SAMHD1: variants seen among roughly 807,000 people sequenced by gnomAD.
The protein encoded by SAMHD1 is SAM and HD domain containing deoxynucleoside triphosphate triphosphohydrolase 1.
SAMHD1 carries 54 observed loss-of-function variants against 79.6 expected under a neutral mutation model. The ratio of observed to expected loss-of-function variants is 0.68; its 90% CI spans 0.55 to 0.85. SAMHD1 has a LOEUF of 0.85. Among genes scored for constraint, SAMHD1 ranks in the 40% least tolerant of loss-of-function variants. SAMHD1 has a pLI of 0.00. For synonymous variants in SAMHD1, 260 were observed against 264.1 expected, an observed-to-expected ratio of 0.98 and a Z score of 0.15; for missense variants, 663 against 782.7, an observed-to-expected ratio of 0.85 and a Z score of 1.82.
At chr20:36,948,140 T>C (rs2063707033) in intron 1 of SAMHD1, among the ~76,000 whole-genome samples, 1 of 152,254 alleles carries the variant, frequency 6.6e-6, no homozygotes, top group South Asian at 2.1e-4. Context: ...GTGTTGAGTG[T>C]AGTAACTTAT....
chr20:36,919,331 A>G (rs746407028), intron 7 of SAMHD1, 33 bp downstream of exon 7: 1 of 1,605,288 alleles, frequency 6.2e-7, no homozygotes, highest in Non-Finnish European at 8.5e-7. Flanking sequence ...GAAAAGCACC[A>G]GTCAGTTAAA....
intron 9 of SAMHD1, 103 bp downstream of exon 9, chr20:36,916,619 A>G: frequency 9.5e-6 from 8 of 838,590 alleles, no homozygotes; most frequent in South Asian, 9.4e-5. Flanking sequence ...AATTAAGTAA[A>G]GAGACTGACG....
chr20:36,904,967 C>T (rs968746325), intron 12 of SAMHD1: 1 of 238,658 alleles, frequency 4.2e-6, no homozygotes, highest in African/African-American at 2.3e-5. Context: ...GTGAAGGAAC[C>T]AAGTCATTAC....
chr20:36,919,474 T>C lies in SAMHD1; in HGVS notation c.742A>G (p.Asn248Asp), dbSNP rs2063493404. The C allele has an allele frequency of 6.2e-7, 1 of 1,613,512 alleles. No individual in the cohort carries two copies. The highest frequency in any genetic ancestry group is 8.5e-7 in the Non-Finnish European group (1 of 1,179,756). The change falls in exon 7 of 16, where the codon AAT becomes GAT. Residue 248 changes from asparagine (N) to aspartate (D), a missense_variant. Asn to Asp is a conservative substitution (Grantham distance 23). Transcript: ENST00000646673. ...VMMFEHLINS[N>D]GIKPVMEQYG... is the part of the protein sequence containing the mutation. ...TGTTCCATGACAGGCTTAATTCCATTAGAATTAATAAGGTGCTCAAACATC... is the reference window on the plus strand; with the variant it reads ...TGTTCCATGACAGGCTTAATTCCATCAGAATTAATAAGGTGCTCAAACATC...
intron 11 of SAMHD1, among the ~76,000 whole-genome samples, chr20:36,908,400 G>C (rs760456732): frequency 1.3e-5 from 2 of 151,626 alleles, no homozygotes; most frequent in Non-Finnish European, 2.9e-5. Context: ...CGCACCACCA[G>C]GGCTAATTTT....
intron 13 of SAMHD1, among the ~76,000 whole-genome samples, chr20:36,899,400 C>G (rs1990260309): frequency 6.6e-6 from 1 of 152,028 alleles, no homozygotes; most frequent in East Asian, 1.9e-4. Flanking sequence ...TGCACTCCAG[C>G]CTAGGCAACA....
chr20:36,936,647 CTG>C (rs1459725370), intron 3 of SAMHD1, among the ~76,000 whole-genome samples: 1 of 152,002 alleles, frequency 6.6e-6, no homozygotes, highest in Non-Finnish European at 1.5e-5. Context: ...AAAGCCTTCA[CTG>C]TAAATTTTTC....
chr20:36,890,211 A>G (rs2148349823), downstream of SAMHD1: 1 of 152,292 alleles, frequency 6.6e-6, no homozygotes, highest in African/African-American at 2.4e-5. Flanking sequence ...GTGGAACACA[A>G]CTTTCAAGAT....
intron 6 of SAMHD1, among the ~76,000 whole-genome samples, chr20:36,922,212 A>G (rs972074277): frequency 2.0e-5 from 3 of 152,180 alleles, no homozygotes; most frequent in African/African-American, 7.2e-5. Flanking sequence ...CCAGGGAAAA[A>G]AAGTTTTTTT....
chr20:36,924,890 G>A (rs777789425), intron 6 of SAMHD1, among the ~76,000 whole-genome samples: 3 of 152,184 alleles, frequency 2.0e-5, no homozygotes, highest in Admixed American at 6.5e-5. Flanking sequence ...CGGGCACGGT[G>A]GCTCACGTCT....
intron 4 of SAMHD1, among the ~76,000 whole-genome samples, chr20:36,932,405 G>T (rs1328461818): frequency 6.7e-6 from 1 of 149,886 alleles, no homozygotes; most frequent in African/African-American, 2.4e-5. Context: ...GGTTGCGGGG[G>T]GTTGCGGGGG....
intron 6 of SAMHD1, among the ~76,000 whole-genome samples, chr20:36,924,120 T>G (rs934310754): frequency 4.6e-5 from 7 of 151,910 alleles, no homozygotes; most frequent in African/African-American, 1.5e-4. Flanking sequence ...GGCATGGTAG[T>G]GTGTGCCTGT....
At chr20:36,933,413 C>T (rs1194910311) in intron 4 of SAMHD1, among the ~76,000 whole-genome samples, 1 of 152,068 alleles carries the variant, frequency 6.6e-6, no homozygotes, top group Non-Finnish European at 1.5e-5. Flanking sequence ...CAACTCTGTA[C>T]CAGAGTAAAT....
At chr20:36,940,880 T>C (rs77181487) in intron 3 of SAMHD1, 159 bp downstream of exon 3, 2 of 653,094 alleles carry the variant, frequency 3.1e-6, no homozygotes. Flanking sequence ...AAATACTCTG[T>C]GCTCATTTTA....
intron 13 of SAMHD1, 106 bp from the exon 14 acceptor site, chr20:36,898,650 A>G: frequency 2.4e-6 from 2 of 844,238 alleles, no homozygotes; most frequent in South Asian, 2.8e-5. Context: ...GCAGTAGCTC[A>G]TGCCTATAAT....
Position 36,939,190 on chromosome 20 carries a change from G to A in SAMHD1, c.348+1849C>T, listed in dbSNP as rs1600387968. 5.7e-5 allele frequency among the ~76,000 whole-genome samples: 8 copies of A among 141,164 alleles called. No individual in the cohort carries two copies. In the South Asian group the frequency reaches 1.8e-3, roughly 32 times the overall value. The allele number at this position is 141,164 out of a possible 152,430, so 92.6% of individuals were successfully genotyped here. On this transcript the variant is annotated intron_variant, in intron 3 of 15. Coordinates refer to ENST00000646673, the MANE Select transcript of SAMHD1 (RefSeq NM_015474.4). The stretch of plus-strand genomic sequence containing the variant: ...AACTGCTTGAATCTGGGAGGCAGAG[G>A]TTGCAGTGAGCTGATACCATGCCAC...
intron 13 of SAMHD1, among the ~76,000 whole-genome samples, chr20:36,901,487 G>A (rs1358536390): frequency 1.3e-5 from 2 of 152,140 alleles, no homozygotes; most frequent in African/African-American, 4.8e-5. Context: ...TATAATCCCA[G>A]CACTTCAGGA....
rs771698070 is a variant in SAMHD1 at position 36,947,405 on chromosome 20, G to GGTGTGTGTGT, written c.209-611_209-602dup. Among the ~76,000 whole-genome samples the GGTGTGTGTGT allele has an allele frequency of 2.7e-4, 8 of 29,122 alleles. 2 individuals are homozygous for GGTGTGTGTGT. Among genetic ancestry groups the GGTGTGTGTGT allele is most frequent in the African/African-American group, 1.9e-3 (8 of 4,150 alleles). 19.1% of individuals were successfully genotyped at this position (29,122 alleles called of 152,430 possible). Reference sequence around the variant, plus strand: ...GAAGAGGTGTGTGTGATTTGGAAGAGGTGTGTGTGTGTGTGTGTGTGTGTG... The same window carrying GGTGTGTGTGT: ...GAAGAGGTGTGTGTGATTTGGAAGAGGTGTGTGTGTGTGTGTGTGTGTGTGTGTGTGTGTG... On this transcript the variant is annotated intron_variant, in intron 1 of 15. Transcript: ENST00000646673.
chr20:36,896,344 A>C (rs754004015), intron 15 of SAMHD1, among the ~76,000 whole-genome samples: 1 of 152,104 alleles, frequency 6.6e-6, no homozygotes, highest in African/African-American at 2.4e-5. Flanking sequence ...ACCAAGGGAC[A>C]ATTCTACTCT....
Sources: gnomAD v4.1 joint callset for allele counts (sites outside exome capture counted in the v4.1 genomes callset) on GRCh38, gnomAD v4.1.1 for gene constraint, MANE v1.5 for transcripts, NCBI Gene and HGNC (gene_info 2026-07-23, HGNC 2026-07-21) for gene names.